CHST11: variants seen among roughly 807,000 people sequenced by gnomAD.
CHST11 encodes C4S-1.
A neutral mutation model predicts 30.4 loss-of-function variants in CHST11; 9 were observed. The ratio of observed to expected loss-of-function variants is 0.30; its 90% CI spans 0.18 to 0.52. The LOEUF is 0.52. Among genes scored for constraint, CHST11 ranks in the 20% least tolerant of loss-of-function variants. The probability of loss-of-function intolerance (pLI) is 0.97; values close to 1 mark genes in which losing one functional copy is unlikely to be tolerated. For synonymous variants in CHST11, 152 were observed against 187.8 expected (o/e 0.81, Z 1.56); for missense variants, 348 against 460.6 (o/e 0.76, Z 2.24).
At position 104,759,875 on chromosome 12, in the gene CHST11, A is replaced by G. The variant is rs1033086870; in HGVS notation, c.*2072A>G. 1.3e-5 allele frequency: 2 copies of G among 152,198 alleles called. No homozygotes were observed. The highest frequency in any genetic ancestry group is 2.4e-5 in the African/African-American group (1 of 41,434). The allele number at this position is 152,198 out of a possible 1,614,324, so 9.4% of individuals were successfully genotyped here. A position where few individuals can be genotyped will look rare whatever the true frequency, so the allele number is the denominator to read the frequency against. ...TGGACCTTATTTCCAGGCAGAGAAC[A>G]CTGTCCTCAGAAATGGGACTTCTGA... is the stretch of plus-strand genomic sequence containing the variant. On this transcript the variant is annotated 3_prime_UTR_variant, in exon 3 of 3. Transcript: ENST00000303694.
chr12:104,604,267 A>G (rs941314344), intron 2 of CHST11, among the ~76,000 whole-genome samples: 3 of 152,096 alleles, frequency 2.0e-5, no homozygotes, highest in African/African-American at 7.2e-5. Flanking sequence ...AGGGCTGGAG[A>G]GCAGCTCTGG....
At chr12:104,733,910 A>T (rs2040277009) in intron 2 of CHST11, among the ~76,000 whole-genome samples, 1 of 152,230 alleles carries the variant, frequency 6.6e-6, no homozygotes, top group Admixed American at 6.5e-5. Context: ...GAGCCTTCTG[A>T]TGATGCCATG....
intron 2 of CHST11, among the ~76,000 whole-genome samples, chr12:104,641,582 T>C (rs1447643198): frequency 6.6e-6 from 1 of 152,192 alleles, no homozygotes; most frequent in East Asian, 1.9e-4. Context: ...CAGGGAAGTA[T>C]CCTGCTTCAT....
intron 1 of CHST11, among the ~76,000 whole-genome samples, chr12:104,496,967 C>T (rs2037803555): frequency 6.6e-6 from 1 of 152,076 alleles, no homozygotes; most frequent in African/African-American, 2.4e-5. Context: ...TAATTTAGCC[C>T]CTCTTGCAAC....
At chr12:104,673,763 C>T (rs1271916129) in intron 2 of CHST11, among the ~76,000 whole-genome samples, 3 of 152,194 alleles carry the variant, frequency 2.0e-5, no homozygotes, top group Non-Finnish European at 4.4e-5. Flanking sequence ...AATTTGTTGC[C>T]GTGTGACCTT....
At chr12:104,549,210 C>A (rs550893263) in intron 1 of CHST11, among the ~76,000 whole-genome samples, 65 of 152,236 alleles carry the variant, frequency 4.3e-4, no homozygotes, top group Non-Finnish European at 7.2e-4. Flanking sequence ...ACAGCTGTGG[C>A]AGAAATGAGG....
At chr12:104,681,577 T>A (rs1054441273) in intron 2 of CHST11, among the ~76,000 whole-genome samples, 13 of 152,208 alleles carry the variant, frequency 8.5e-5, no homozygotes, top group African/African-American at 2.9e-4. Context: ...ATAAATTATA[T>A]CTCAAGCTGC....
chr12:104,634,081 A>G (rs1397304605), intron 2 of CHST11, among the ~76,000 whole-genome samples: 1 of 152,238 alleles, frequency 6.6e-6, no homozygotes, highest in Non-Finnish European at 1.5e-5. Context: ...AACAAAACAG[A>G]CACAAAGCTC....
chr12:104,573,116 T>A (rs1316843033), intron 1 of CHST11, among the ~76,000 whole-genome samples: 1 of 152,138 alleles, frequency 6.6e-6, no homozygotes, highest in African/African-American at 2.4e-5. Flanking sequence ...CACAATTGCT[T>A]CAAAGAGAAT....
chr12:104,638,776 A>G (rs530507693), intron 2 of CHST11, among the ~76,000 whole-genome samples: 2 of 152,278 alleles, frequency 1.3e-5, no homozygotes, highest in South Asian at 4.2e-4. Context: ...CTCTATCTGA[A>G]TGGATCCAGG....
At chr12:104,718,497 C>T (rs1446353112) in intron 2 of CHST11, among the ~76,000 whole-genome samples, 1 of 152,188 alleles carries the variant, frequency 6.6e-6, no homozygotes, top group East Asian at 1.9e-4. Flanking sequence ...CAGTGAGCTG[C>T]CTGGGCTCTT....
chr12:104,642,814 T>C (rs1333615371), intron 2 of CHST11, among the ~76,000 whole-genome samples: 3 of 148,404 alleles, frequency 2.0e-5, no homozygotes, highest in East Asian at 3.9e-4. Context: ...TTTTTTTTTT[T>C]ACAATGAACA....
chr12:104,703,117 G>A lies in CHST11; in HGVS notation c.205-53832G>A, dbSNP rs116628470. Among the ~76,000 whole-genome samples the A allele has an allele frequency of 4.3e-3, 652 of 152,320 alleles. 7 individuals are homozygous for A. The highest frequency in any genetic ancestry group is 0.015 in the African/African-American group (623 of 41,562). ...GCCTGCTGGCTCATGGGAACTCACCGGGGCGGAGACTTTGTCTGCTTCCTG... is the reference window on the plus strand; with the variant it reads ...GCCTGCTGGCTCATGGGAACTCACCAGGGCGGAGACTTTGTCTGCTTCCTG... On this transcript the variant is annotated intron_variant, in intron 2 of 2. Transcript: ENST00000303694.
intron 1 of CHST11, among the ~76,000 whole-genome samples, chr12:104,583,426 C>T (rs7298441): frequency 0.3 from 44,902 of 151,632 alleles, 7,160 homozygotes; most frequent in East Asian, 0.42. Flanking sequence ...ATTGGGGGAC[C>T]GTGGGCGTGT....
intron 2 of CHST11, among the ~76,000 whole-genome samples, chr12:104,691,360 T>A (rs1027075150): frequency 6.6e-6 from 1 of 151,950 alleles, no homozygotes; most frequent in African/African-American, 2.4e-5. Context: ...GTTCATCCAC[T>A]GTTAGATGAG....
chr12:104,632,178 G>GTTCC (rs1462352459), intron 2 of CHST11, among the ~76,000 whole-genome samples: 26 of 152,066 alleles, frequency 1.7e-4, no homozygotes, highest in African/African-American at 5.6e-4. Flanking sequence ...CCAGGCCAGG[G>GTTCC]TTCCGTCTTC....
intron 2 of CHST11, among the ~76,000 whole-genome samples, chr12:104,636,730 T>G (rs1245361587): frequency 1.3e-5 from 2 of 152,126 alleles, no homozygotes; most frequent in Non-Finnish European, 2.9e-5. Flanking sequence ...AGTATCTAGC[T>G]CATGGTATTG....
intron 2 of CHST11, among the ~76,000 whole-genome samples, chr12:104,717,975 T>C (rs909183479): frequency 1.3e-5 from 2 of 152,088 alleles, no homozygotes; most frequent in Non-Finnish European, 2.9e-5. Flanking sequence ...ATTAAATTAA[T>C]AAATAAAAGT....
At chr12:104,649,453 G>C (rs1027949590) in intron 2 of CHST11, among the ~76,000 whole-genome samples, 3 of 152,168 alleles carry the variant, frequency 2.0e-5, no homozygotes, top group Non-Finnish European at 4.4e-5. Context: ...AAGGAAAAAT[G>C]AGTTTGGAAA....
Sources: allele counts gnomAD v4.1 joint callset (sites outside exome capture counted in the v4.1 genomes callset), GRCh38; gene constraint gnomAD v4.1.1; transcripts MANE v1.5; gene names NCBI Gene and HGNC (gene_info 2026-07-23, HGNC 2026-07-21).